Variants in MTMR10 observed in about 807,000 individuals in gnomAD.
The protein encoded by MTMR10 is myotubularin related protein 10, also known as myotubularin-related protein 10.
Under a neutral mutation model 88.1 loss-of-function variants are expected in MTMR10, and 56 were observed. The observed-to-expected ratio is 0.64, with a 90% confidence interval of 0.51 to 0.79. The LOEUF is 0.79. Ranked by LOEUF, MTMR10 falls within the 30% of genes least tolerant of loss-of-function variation. MTMR10 has a pLI of 0.00. For synonymous variants in MTMR10, 380 were observed against 340.9 expected, an observed-to-expected ratio of 1.11 and a Z score of -1.26; for missense variants, 883 against 924.7, an observed-to-expected ratio of 0.95 and a Z score of 0.58.
intron 14 of MTMR10, chr15:30,946,678 C>G: frequency 1.4e-6 from 1 of 695,284 alleles, no homozygotes; most frequent in Non-Finnish European, 2.6e-6. Flanking sequence ...GGCTTGAGAC[C>G]CTGCTTAGTC....
intron 7 of MTMR10, among the ~76,000 whole-genome samples, chr15:30,959,857 T>A (rs1166383524): frequency 1.3e-5 from 2 of 152,194 alleles, no homozygotes; most frequent in African/African-American, 4.8e-5. Context: ...AATGAGGACT[T>A]CAATGACCTT....
chr15:30,952,991 T>C (rs1021636065), intron 11 of MTMR10, among the ~76,000 whole-genome samples: 4 of 152,168 alleles, frequency 2.6e-5, no homozygotes, highest in Admixed American at 6.5e-5. Flanking sequence ...GGTTTCACCA[T>C]GTTGGCCAGG....
At chr15:30,990,359 T>C (rs1256903078) in intron 2 of MTMR10, among the ~76,000 whole-genome samples, 1 of 152,154 alleles carries the variant, frequency 6.6e-6, no homozygotes, top group East Asian at 1.9e-4. Flanking sequence ...AACAAGCAAA[T>C]TTGCAAATAC....
intron 5 of MTMR10, among the ~76,000 whole-genome samples, chr15:30,971,523 A>G (rs1333343965): frequency 6.6e-6 from 1 of 152,182 alleles, no homozygotes; most frequent in East Asian, 1.9e-4. Context: ...GTTCATGAAA[A>G]GGCCAACTTG....
At chr15:30,970,092 G>C (rs2141040368) in intron 5 of MTMR10, among the ~76,000 whole-genome samples, 1 of 152,234 alleles carries the variant, frequency 6.6e-6, no homozygotes, top group Non-Finnish European at 1.5e-5. Flanking sequence ...TGGATGAAAA[G>C]TAGGATATAG....
At position 30,941,730 on chromosome 15, in the gene MTMR10, G is replaced by T; in HGVS notation, c.2074C>A (p.Leu692Met). Residue 692 changes from leucine (L) to methionine (M), a missense_variant, in exon 16 of 16, where the codon CTG (leucine) becomes ATG (methionine). By Grantham distance (15) the Leu-to-Met change is conservative. Coordinates refer to ENST00000435680, the MANE Select transcript of MTMR10 (RefSeq NM_017762.3). ...LSLLADEVDV[L>M]SRMLRQQRSG... ...CGCTGTTGCCGCAGCATCCTGCTCA[G>T]TACGTCGACTTCATCAGCCAGGAGG... is the stretch of plus-strand genomic sequence containing the variant. The T allele has an allele frequency of 6.2e-7, 1 of 1,613,962 alleles. No homozygotes were observed. Among genetic ancestry groups the T allele is most frequent in the East Asian group, 2.2e-5 (1 of 44,884 alleles).
chr15:30,958,629 G>C (rs2063358831), intron 9 of MTMR10, among the ~76,000 whole-genome samples: 1 of 152,230 alleles, frequency 6.6e-6, no homozygotes, highest in Non-Finnish European at 1.5e-5. Context: ...TGTCAGCAAT[G>C]TAAGATCCAC....
chr15:30,976,307 T>C (rs2030147818), intron 3 of MTMR10, among the ~76,000 whole-genome samples: 2 of 151,832 alleles, frequency 1.3e-5, no homozygotes, highest in South Asian at 4.2e-4. Context: ...GAGGCTGAGG[T>C]GGCAGGATAG....
Position 30,987,505 on chromosome 15 carries a change from G to A in MTMR10, c.121+3272C>T, listed in dbSNP as rs374949667. Among the ~76,000 whole-genome samples, 46 of 152,256 alleles carry A rather than the reference G, an allele frequency of 3.0e-4. No homozygotes were observed. The South Asian group carries it at 9.1e-3, about 30-fold the overall frequency. On this transcript the variant is annotated intron_variant, in intron 2 of 15. Coordinates refer to ENST00000435680, the MANE Select transcript of MTMR10 (RefSeq NM_017762.3). ...AGGATCATTTTGAAATTAGGCTTAA[G>A]TTCCAACAGTGCACATGGTGACAGC... is the stretch of plus-strand genomic sequence containing the variant.
the MTMR10 span, among the ~76,000 whole-genome samples, chr15:30,923,390 A>C: frequency 6.6e-6 from 1 of 152,154 alleles, no homozygotes; most frequent in Non-Finnish European, 1.5e-5. Context: ...AAAGTTCAAG[A>C]GAGTACAGAT....
intron 12 of MTMR10, 83 bp from the exon 13 acceptor site, chr15:30,948,554 T>C (rs572678269): frequency 7.1e-7 from 1 of 1,398,758 alleles, no homozygotes; most frequent in African/African-American, 1.5e-5. Context: ...CTAGATAATT[T>C]AGTATTCTGC....
At chr15:30,974,518 T>A in intron 4 of MTMR10, 62 bp from the exon 5 acceptor site, 1 of 1,336,578 alleles carries the variant, frequency 7.5e-7, no homozygotes, top group Non-Finnish European at 9.9e-7. Flanking sequence ...ACTCACCCTT[T>A]AATACAAATT....
At chr15:30,977,170 G>C (rs545536224) in intron 2 of MTMR10, among the ~76,000 whole-genome samples, 28 of 152,276 alleles carry the variant, frequency 1.8e-4, no homozygotes, top group Non-Finnish European at 3.5e-4. Context: ...AAATAGCTCA[G>C]GGGTCTGAGC....
chr15:30,929,429 C>G, the MTMR10 span: 2 of 1,560,942 alleles, frequency 1.3e-6, no homozygotes, highest in Admixed American at 1.9e-5. Flanking sequence ...AGGATTTGCT[C>G]AGAAAGTTAA....
At chr15:30,924,764 A>G in the MTMR10 span, among the ~76,000 whole-genome samples, 11 of 146,584 alleles carry the variant, frequency 7.5e-5, no homozygotes, top group African/African-American at 2.5e-4. Flanking sequence ...GGTGGGACAC[A>G]TGTTTTCCTA....
chr15:30,947,106 A>T, intron 14 of MTMR10, 24 bp downstream of exon 14: 1 of 1,564,426 alleles, frequency 6.4e-7, no homozygotes, highest in Non-Finnish European at 8.6e-7. Flanking sequence ...GGGAAAACGT[A>T]GCCACAGCCA....
At chr15:30,954,563 T>C (rs2063295744) in intron 10 of MTMR10, among the ~76,000 whole-genome samples, 200 bp downstream of exon 10, 1 of 152,196 alleles carries the variant, frequency 6.6e-6, no homozygotes, top group Non-Finnish European at 1.5e-5. Flanking sequence ...TTTTTCCCCC[T>C]CTAAAACAAA....
intron 7 of MTMR10, 62 bp downstream of exon 7, chr15:30,960,819 T>G (rs1324127885): frequency 7.0e-7 from 1 of 1,429,504 alleles, no homozygotes; most frequent in Non-Finnish European, 9.2e-7. Context: ...CAACAGAGTT[T>G]GATGATTATT....
intron 6 of MTMR10, among the ~76,000 whole-genome samples, chr15:30,962,991 T>C (rs2063423267): frequency 6.6e-6 from 1 of 152,092 alleles, no homozygotes; most frequent in South Asian, 2.1e-4. Context: ...AGTAACTAAA[T>C]ACAGCTAGAG....
Sources: gnomAD v4.1 joint callset for allele counts (sites outside exome capture counted in the v4.1 genomes callset) on GRCh38, gnomAD v4.1.1 for gene constraint, MANE v1.5 for transcripts, NCBI Gene and HGNC (gene_info 2026-07-23, HGNC 2026-07-21) for gene names.